Variants in GPC5 observed in about 807,000 individuals in gnomAD.
GPC5 encodes the protein glypican-5.
A neutral mutation model predicts 53.9 loss-of-function variants in GPC5; 47 were observed. That is an observed-to-expected ratio of 0.87 (90% CI 0.69 to 1.11). The LOEUF (loss-of-function observed/expected upper bound fraction) is 1.11. GPC5 is among the 50% of genes most tolerant of loss of function. The pLI, the probability that GPC5 is intolerant of heterozygous loss-of-function variation, is 0.00. For missense variants in GPC5, 748 were observed against 713.1 expected, an observed-to-expected ratio of 1.05 and a Z score of -0.56; for synonymous variants, 286 against 263.3, an observed-to-expected ratio of 1.09 and a Z score of -0.84.
At chr13:91,717,117 T>C (rs1203409806) in intron 3 of GPC5, among the ~76,000 whole-genome samples, 2 of 152,248 alleles carry the variant, frequency 1.3e-5, no homozygotes, top group African/African-American at 4.8e-5. Context: ...ATAGGTGATA[T>C]TTTAAACACA....
intron 2 of GPC5, among the ~76,000 whole-genome samples, chr13:91,478,801 A>ATATGTG (rs368545648): frequency 5.4e-4 from 57 of 105,624 alleles, no homozygotes; most frequent in Non-Finnish European, 8.0e-4. Flanking sequence ...GAGTTTATAT[A>ATATGTG]TATATATATA....
intron 7 of GPC5, among the ~76,000 whole-genome samples, chr13:92,620,989 C>T (rs1392152780): frequency 6.6e-6 from 1 of 152,132 alleles, no homozygotes; most frequent in Non-Finnish European, 1.5e-5. Flanking sequence ...TAAATCAAAA[C>T]ACAGTCAATG....
chr13:92,412,370 T>A (rs991108419), intron 7 of GPC5, among the ~76,000 whole-genome samples: 6 of 152,102 alleles, frequency 3.9e-5, no homozygotes, highest in Non-Finnish European at 8.8e-5. Context: ...TTTTAGGAAG[T>A]ATGGAGGATC....
At chr13:92,398,524 C>G (rs1875402899) in intron 7 of GPC5, among the ~76,000 whole-genome samples, 1 of 151,582 alleles carries the variant, frequency 6.6e-6, no homozygotes, top group African/African-American at 2.4e-5. Context: ...CTGCATCTCC[C>G]AATCCCTTCC....
intron 7 of GPC5, among the ~76,000 whole-genome samples, chr13:92,629,329 G>T (rs1262118761): frequency 6.6e-6 from 1 of 152,178 alleles, no homozygotes; most frequent in Non-Finnish European, 1.5e-5. Context: ...AGATATTAAG[G>T]CAGTTTGCCT....
intron 7 of GPC5, among the ~76,000 whole-genome samples, chr13:92,793,289 G>C (rs1283578707): frequency 2.6e-5 from 4 of 151,958 alleles, no homozygotes; most frequent in Admixed American, 6.6e-5. Context: ...ATGACTACTG[G>C]GTACATAACG....
chr13:92,612,677 TG>T (rs1884478220), intron 7 of GPC5, among the ~76,000 whole-genome samples: 2 of 152,104 alleles, frequency 1.3e-5, no homozygotes, highest in Non-Finnish European at 2.9e-5. Flanking sequence ...ATAGAGATGC[TG>T]GTAGTCAAAA....
intron 2 of GPC5, among the ~76,000 whole-genome samples, chr13:91,687,914 C>T (rs189948207): frequency 1.3e-5 from 2 of 152,160 alleles, no homozygotes; most frequent in Admixed American, 1.3e-4. Flanking sequence ...CGTAGTTTCT[C>T]TTTCATAATT....
At chr13:91,691,486 A>G (rs2035756582) in intron 2 of GPC5, among the ~76,000 whole-genome samples, 1 of 152,118 alleles carries the variant, frequency 6.6e-6, no homozygotes, top group South Asian at 2.1e-4. Context: ...TCATTCTTTC[A>G]TATTTTTATT....
At chr13:92,544,764 C>T (rs982070805) in intron 7 of GPC5, among the ~76,000 whole-genome samples, 5 of 151,920 alleles carry the variant, frequency 3.3e-5, no homozygotes, top group Non-Finnish European at 7.4e-5. Context: ...AATATGTGAG[C>T]TGAAATAACT....
intron 7 of GPC5, among the ~76,000 whole-genome samples, chr13:92,649,819 C>T (rs962734998): frequency 4.6e-5 from 7 of 152,008 alleles, no homozygotes; most frequent in African/African-American, 1.7e-4. Context: ...ACTCTTAAAA[C>T]GTAATTTCCT....
At chr13:92,693,476 AACTGGAGTAAAGGTC>A (rs1285906685) in intron 7 of GPC5, among the ~76,000 whole-genome samples, 2 of 152,146 alleles carry the variant, frequency 1.3e-5, no homozygotes, top group African/African-American at 4.8e-5. Flanking sequence ...ACTTACTGGA[AACTGGAGTAAAGGTC>A]ACTCTTGCTA....
chr13:92,149,358 T>G (rs188744351), intron 7 of GPC5, among the ~76,000 whole-genome samples: 30 of 151,954 alleles, frequency 2.0e-4, no homozygotes, highest in Non-Finnish European at 3.5e-4. Flanking sequence ...CCTTAGGAGG[T>G]AGGAGGTAGG....
intron 7 of GPC5, among the ~76,000 whole-genome samples, chr13:92,414,099 G>A (rs1025297764): frequency 6.6e-6 from 1 of 152,150 alleles, no homozygotes; most frequent in Non-Finnish European, 1.5e-5. Flanking sequence ...TAGGTCAGAT[G>A]CTTTGCTAGT....
chr13:92,069,367 C>T (rs2041191981), intron 6 of GPC5, among the ~76,000 whole-genome samples: 1 of 150,088 alleles, frequency 6.7e-6, no homozygotes, highest in Admixed American at 6.7e-5. Context: ...TAAAGTTATG[C>T]CTAAAAATAT....
At chr13:92,844,428 T>A (rs1442535418) in intron 7 of GPC5, among the ~76,000 whole-genome samples, 1 of 152,116 alleles carries the variant, frequency 6.6e-6, no homozygotes, top group African/African-American at 2.4e-5. Context: ...TAGGGAGAGA[T>A]AGATATAAAG....
intron 7 of GPC5, among the ~76,000 whole-genome samples, chr13:92,695,174 G>C (rs1296200277): frequency 2.0e-5 from 3 of 152,076 alleles, no homozygotes; most frequent in Admixed American, 2.0e-4. Context: ...TGTGTGAAAA[G>C]GGACGACTAC....
chr13:92,387,834 G>A (rs1328610657), intron 7 of GPC5, among the ~76,000 whole-genome samples: 1 of 151,992 alleles, frequency 6.6e-6, no homozygotes, highest in Non-Finnish European at 1.5e-5. Context: ...TAACTCAAAC[G>A]GTTGTTTTGA....
At chr13:91,966,027 A>G (rs2040177600) in intron 6 of GPC5, among the ~76,000 whole-genome samples, 1 of 152,146 alleles carries the variant, frequency 6.6e-6, no homozygotes, top group Admixed American at 6.6e-5. Flanking sequence ...GAAACCAGCA[A>G]TTTTCTTCAT....
Sources: allele counts gnomAD v4.1 joint callset (sites outside exome capture counted in the v4.1 genomes callset), GRCh38; gene constraint gnomAD v4.1.1; transcripts MANE v1.5; gene names NCBI Gene and HGNC (gene_info 2026-07-23, HGNC 2026-07-21).